Variants in CDK6 observed in about 807,000 individuals in gnomAD.
CDK6 encodes cyclin-dependent kinase 6.
In CDK6, 6 loss-of-function variants were observed where a neutral mutation model predicts 37.1. The observed-to-expected ratio is 0.16, with a 90% CI of 0.09 to 0.32. CDK6 has a LOEUF of 0.32. Among genes scored for constraint, CDK6 ranks in the 10% least tolerant of loss-of-function variants. The pLI, the probability that CDK6 is intolerant of heterozygous loss-of-function variation, is 1.00. For synonymous variants in CDK6, 160 were observed against 161.3 expected (o/e 0.99, Z 0.06); for missense variants, 224 against 418.9 (o/e 0.53, Z 4.06).
chr7:92,684,097 A>C (rs1797396558), intron 4 of CDK6, among the ~76,000 whole-genome samples: 1 of 152,166 alleles, frequency 6.6e-6, no homozygotes. Context: ...CTGTTGTCTT[A>C]TATAATCTTC....
chr7:92,760,003 G>A (rs367955908), intron 3 of CDK6, among the ~76,000 whole-genome samples: 5 of 152,122 alleles, frequency 3.3e-5, no homozygotes, highest in Non-Finnish European at 7.4e-5. Flanking sequence ...ATCTATTCAC[G>A]GACAATCTCC....
At chr7:92,615,374 T>C (rs2116478265) in intron 7 of CDK6, 88 bp from the exon 8 acceptor site, 2 of 1,087,612 alleles carry the variant, frequency 1.8e-6, no homozygotes, top group East Asian at 2.4e-5. Flanking sequence ...TTCACTGTCA[T>C]ATGTTAAGCG....
In CDK6 at chr7:92,834,240, T is replaced by C. The variant is rs945618628; in HGVS notation, c.-367-550A>G. 9.9e-5 allele frequency among the ~76,000 whole-genome samples: 15 copies of C among 151,992 alleles called. No individual in the cohort carries two copies. Among genetic ancestry groups the C allele is most frequent in the Admixed American group, 5.2e-4 (8 of 15,270 alleles). On this transcript the variant is annotated intron_variant, in intron 1 of 7. Transcript: ENST00000424848. The surrounding 1 kb of genome is among the most constrained non-coding windows in gnomAD (Gnocchi z 4.6). Reference sequence around the variant, plus strand: ...GGGCTCCCAGGACCCTGTAACCCGATGCTGGGAGTGTGCGAGAAGGGGTGG... The same window carrying C: ...GGGCTCCCAGGACCCTGTAACCCGACGCTGGGAGTGTGCGAGAAGGGGTGG...
At chr7:92,685,442 TC>T (rs1797428107) in intron 4 of CDK6, among the ~76,000 whole-genome samples, 1 of 152,224 alleles carries the variant, frequency 6.6e-6, no homozygotes, top group Non-Finnish European at 1.5e-5. Flanking sequence ...AAACTTGGCT[TC>T]TAACTCAGAA....
Position 92,668,311 on chromosome 7 carries a change from T to C in CDK6, c.647+3115A>G, listed in dbSNP as rs1797003247. 2.0e-5 allele frequency among the ~76,000 whole-genome samples: 3 copies of C among 152,262 alleles called. No individual in the cohort carries two copies. The South Asian group carries it at 6.2e-4, about 32-fold the overall frequency. On this transcript the variant is annotated intron_variant, in intron 5 of 7. Transcript: ENST00000424848. ...AGTACATTCGACAATGTTCGCAAAA[T>C]GACAAAACTGTCTAACAATGCATTT...
chr7:92,684,269 T>C (rs1033880067), intron 4 of CDK6, among the ~76,000 whole-genome samples: 1 of 152,224 alleles, frequency 6.6e-6, no homozygotes, highest in African/African-American at 2.4e-5. Context: ...GGTCTTTTCT[T>C]TTTTGGTCTT....
At chr7:92,674,317 A>G (rs1257930278) in intron 4 of CDK6, among the ~76,000 whole-genome samples, 1 of 152,208 alleles carries the variant, frequency 6.6e-6, no homozygotes, top group African/African-American at 2.4e-5. Context: ...CTGCTATCTG[A>G]AAATCATACC....
chr7:92,648,219 G>C (rs183719745), intron 5 of CDK6, among the ~76,000 whole-genome samples: 2 of 152,280 alleles, frequency 1.3e-5, no homozygotes, highest in Non-Finnish European at 2.9e-5. Context: ...TGCTATTGCT[G>C]TGAGTAATAA....
In CDK6 at chr7:92,609,132, T is replaced by A; in HGVS notation, c.*6008A>T. ...GTATGAATTACTGAGACTCATCTGC[T>A]TGCCACTCAGGAGGAAAGTTGGGCA... is the stretch of plus-strand genomic sequence containing the variant. On this transcript the variant is annotated 3_prime_UTR_variant, in exon 8 of 8. Transcript: ENST00000424848. The A allele has an allele frequency of 4.3e-6, 1 of 232,912 alleles. No homozygotes were observed. The allele number at this position is 232,912 out of a possible 1,614,324, so 14.4% of individuals were successfully genotyped here.
At chr7:92,773,893 AATG>A (rs1369938865) in intron 3 of CDK6, among the ~76,000 whole-genome samples, 1 of 152,212 alleles carries the variant, frequency 6.6e-6, no homozygotes, top group African/African-American at 2.4e-5. Flanking sequence ...CTAAACAACG[AATG>A]ATAAGGCAGG....
chr7:92,833,524 G>A lies in CDK6; in HGVS notation c.-201C>T. On this transcript the variant is annotated 5_prime_UTR_variant, in exon 2 of 8. The change creates a new upstream start codon in the 5' untranslated region. Coordinates refer to ENST00000424848, the MANE Select transcript of CDK6 (RefSeq NM_001145306.2). This position sits in a 1 kb window ranked among gnomAD's most constrained non-coding sequence, Gnocchi z 6.1. ...GGAGAGACCTCCCCGCGGGGCTGGC[G>A]TAACCCTGGTGCCGCCGCCGCGAAA... The A allele has an allele frequency of 1.8e-6, 1 of 557,020 alleles. No individual in the cohort carries two copies. Among genetic ancestry groups the A allele is most frequent in the Non-Finnish European group, 3.1e-6 (1 of 321,198 alleles). 34.5% of individuals were successfully genotyped at this position (557,020 alleles called of 1,614,324 possible). A position where few individuals can be genotyped will look rare whatever the true frequency, so the allele number is the denominator to read the frequency against.
At chr7:92,746,474 T>C (rs1799061804) in intron 3 of CDK6, among the ~76,000 whole-genome samples, 1 of 152,230 alleles carries the variant, frequency 6.6e-6, no homozygotes, top group Non-Finnish European at 1.5e-5. Flanking sequence ...CTTTGTTTCA[T>C]GCACAGAAGT....
At chr7:92,667,355 G>A (rs1229693177) in intron 5 of CDK6, among the ~76,000 whole-genome samples, 1 of 151,676 alleles carries the variant, frequency 6.6e-6, no homozygotes, top group Non-Finnish European at 1.5e-5. Context: ...GTGCTACCAT[G>A]TTCAGCTAAT....
intron 5 of CDK6, among the ~76,000 whole-genome samples, chr7:92,628,948 A>G (rs943743285): frequency 5.3e-5 from 8 of 152,106 alleles, no homozygotes; most frequent in African/African-American, 1.9e-4. Flanking sequence ...GAAGACAAAG[A>G]AAGAGAAGTG....
chr7:92,672,158 T>TATATATATATATATATATAC (rs1254710727), intron 4 of CDK6, among the ~76,000 whole-genome samples: 1 of 102,734 alleles, frequency 9.7e-6, no homozygotes, highest in African/African-American at 4.2e-5. Flanking sequence ...TATATATATA[T>TATATATATATATATATATAC]ATACACATAC....
intron 5 of CDK6, among the ~76,000 whole-genome samples, chr7:92,631,994 C>G (rs1796063560): frequency 6.6e-6 from 1 of 152,042 alleles, no homozygotes; most frequent in Non-Finnish European, 1.5e-5. Context: ...ATACTACATA[C>G]ATTACGGTAA....
Position 92,615,030 on chromosome 7 carries a change from G to T in CDK6, c.*110C>A. 9.0e-7 allele frequency: 1 copy of T among 1,114,734 alleles called. No individual in the cohort carries two copies. The highest frequency in any genetic ancestry group is 1.3e-6 in the Non-Finnish European group (1 of 781,194). The allele number at this position is 1,114,734 out of a possible 1,614,324, so 69.1% of individuals were successfully genotyped here. A position where few individuals can be genotyped will look rare whatever the true frequency, so the allele number is the denominator to read the frequency against. ...GAGCCTGTCCAGAAGACAGCAGCTG[G>T]AAGGCCTCCAGATAGCAATCCTCCA... On this transcript the variant is annotated 3_prime_UTR_variant, in exon 8 of 8. Transcript: ENST00000424848.
chr7:92,736,805 G>A lies in CDK6; in HGVS notation c.370-11012C>T, dbSNP rs531225956. Among the ~76,000 whole-genome samples, 14 of 152,332 alleles carry A rather than the reference G, an allele frequency of 9.2e-5. No homozygotes were observed. The South Asian group carries it at 2.5e-3, about 27-fold the overall frequency. ...GCATACATAATGGATGGGAGGTGGT[G>A]TAAGGAGGCTATGATACTATTCTGA... On this transcript the variant is annotated intron_variant, in intron 3 of 7. Coordinates refer to ENST00000424848, the MANE Select transcript of CDK6 (RefSeq NM_001145306.2).
chr7:92,697,896 A>T (rs981384580), intron 4 of CDK6, among the ~76,000 whole-genome samples: 10 of 152,252 alleles, frequency 6.6e-5, no homozygotes, highest in Non-Finnish European at 2.9e-5. Context: ...AAAGTAGCAG[A>T]TGAAATTATG....
Sources: allele counts gnomAD v4.1 joint callset (sites outside exome capture counted in the v4.1 genomes callset), GRCh38; gene constraint gnomAD v4.1.1; non-coding constraint Gnocchi (gnomAD v3.1); transcripts MANE v1.5; gene names NCBI Gene and HGNC (gene_info 2026-07-23, HGNC 2026-07-21).